Variants in GNA12 observed in about 807,000 individuals in gnomAD.
GNA12 encodes G protein subunit alpha 12.
In GNA12, 9 loss-of-function variants were observed where a neutral mutation model predicts 26.0. That is an observed-to-expected ratio of 0.35 (90% CI 0.21 to 0.60). The LOEUF is 0.60. Ranked by LOEUF, GNA12 falls within the 20% of genes least tolerant of loss-of-function variation. GNA12 has a pLI of 0.78. For missense variants in GNA12, 405 were observed against 525.8 expected (o/e 0.77, Z 2.25); for synonymous variants, 264 against 219.6 (o/e 1.20, Z -1.79).
chr7:2,778,088 G>A (rs906229273), intron 2 of GNA12, among the ~76,000 whole-genome samples: 15 of 152,144 alleles, frequency 9.9e-5, no homozygotes, highest in South Asian at 2.1e-4. Context: ...CCGCCTTAGC[G>A]GCATAGTCTT....
At chr7:2,762,713 G>C (rs1171137977) in intron 2 of GNA12, 9 of 1,564,550 alleles carry the variant, frequency 5.8e-6, no homozygotes, top group Non-Finnish European at 7.8e-6. Flanking sequence ...GAGCGCCAGA[G>C]GGAAGCAGGC....
At chr7:2,826,538 A>G (rs1463480899) in intron 1 of GNA12, among the ~76,000 whole-genome samples, 2 of 152,248 alleles carry the variant, frequency 1.3e-5, no homozygotes, top group African/African-American at 4.8e-5. Flanking sequence ...GGAGTCACCA[A>G]AATGTCCTTC....
intron 1 of GNA12, chr7:2,835,877 T>C (rs1254571708): frequency 5.2e-6 from 3 of 576,146 alleles, no homozygotes; most frequent in South Asian, 1.7e-5. Flanking sequence ...ACACAGGAAA[T>C]GTTAGAAGCA....
chr7:2,805,995 T>C (rs1027613272), intron 1 of GNA12, among the ~76,000 whole-genome samples: 6 of 152,248 alleles, frequency 3.9e-5, no homozygotes, highest in Admixed American at 2.6e-4. Flanking sequence ...TTGTTTATAC[T>C]GATTACATGT....
chr7:2,779,129 C>A (rs887742343), intron 2 of GNA12, among the ~76,000 whole-genome samples: 1 of 152,096 alleles, frequency 6.6e-6, no homozygotes, highest in Non-Finnish European at 1.5e-5. Context: ...GAGGCCAAGG[C>A]GGGTGAATCA....
At chr7:2,794,575 C>A (rs1051538999) in intron 2 of GNA12, 1 of 254,604 alleles carries the variant, frequency 3.9e-6, no homozygotes, top group Non-Finnish European at 7.6e-6. Flanking sequence ...CCCATACCCA[C>A]AGGTCCAAAG....
intron 2 of GNA12, among the ~76,000 whole-genome samples, chr7:2,773,762 C>T (rs781059224): frequency 2.6e-5 from 4 of 152,134 alleles, no homozygotes; most frequent in Non-Finnish European, 5.9e-5. Context: ...CAAGTCCACC[C>T]CTGGACAGCC....
chr7:2,839,623 A>G (rs1273292603), intron 1 of GNA12, among the ~76,000 whole-genome samples: 3 of 152,188 alleles, frequency 2.0e-5, no homozygotes, highest in East Asian at 1.9e-4. Context: ...GGTTCAAGCA[A>G]TCTGCCTGTC....
intron 2 of GNA12, among the ~76,000 whole-genome samples, chr7:2,738,144 C>G (rs901656492): frequency 6.6e-6 from 1 of 152,084 alleles, no homozygotes; most frequent in Non-Finnish European, 1.5e-5. Flanking sequence ...GTAAGAGGAC[C>G]AGGCGTGGTG....
At chr7:2,754,939 G>A (rs763629740) in intron 2 of GNA12, among the ~76,000 whole-genome samples, 27 of 152,216 alleles carry the variant, frequency 1.8e-4, no homozygotes, top group Admixed American at 4.6e-4. Flanking sequence ...ACTGAAATCT[G>A]TAACTCAGTT....
At chr7:2,808,446 G>A (rs1214612837) in intron 1 of GNA12, among the ~76,000 whole-genome samples, 1 of 152,248 alleles carries the variant, frequency 6.6e-6, no homozygotes, top group Non-Finnish European at 1.5e-5. Flanking sequence ...GCCACTGGCT[G>A]TAGTAGGAGA....
chr7:2,797,110 C>T (rs1792695348), intron 1 of GNA12, among the ~76,000 whole-genome samples: 1 of 152,214 alleles, frequency 6.6e-6, no homozygotes, highest in Non-Finnish European at 1.5e-5. Flanking sequence ...TCCTCCAGGA[C>T]AGAGAAAACC....
intron 2 of GNA12, chr7:2,760,333 A>T (rs1562412245): frequency 6.6e-6 from 1 of 152,356 alleles, no homozygotes; most frequent in Non-Finnish European, 1.5e-5. Context: ...ACTCAATAGA[A>T]TGCCTTACCA....
chr7:2,830,310 G>C (rs1321642163), intron 1 of GNA12, among the ~76,000 whole-genome samples: 1 of 152,214 alleles, frequency 6.6e-6, no homozygotes, highest in African/African-American at 2.4e-5. Context: ...TCTGCTCCCA[G>C]TCTAGAATCC....
intron 1 of GNA12, among the ~76,000 whole-genome samples, chr7:2,836,790 G>T (rs570290642): frequency 6.6e-6 from 1 of 152,278 alleles, no homozygotes; most frequent in Admixed American, 6.5e-5. Context: ...TGGGCATGGT[G>T]GTGCGTGCCT....
chr7:2,741,074 A>G (rs541369113), intron 2 of GNA12, among the ~76,000 whole-genome samples: 2 of 151,986 alleles, frequency 1.3e-5, no homozygotes, highest in African/African-American at 4.8e-5. Context: ...ACAAACAAAT[A>G]ATCAAACAAA....
At chr7:2,798,065 C>T (rs1449886397) in intron 1 of GNA12, among the ~76,000 whole-genome samples, 1 of 152,200 alleles carries the variant, frequency 6.6e-6, no homozygotes, top group Non-Finnish European at 1.5e-5. Flanking sequence ...TGAATGCTTT[C>T]CCTCCAACAC....
At chr7:2,817,983 C>T (rs772892536) in intron 1 of GNA12, among the ~76,000 whole-genome samples, 10 of 151,894 alleles carry the variant, frequency 6.6e-5, no homozygotes, top group Admixed American at 2.6e-4. Context: ...GGAAACTAAA[C>T]AAAAAAAGAA....
chr7:2,748,781 CAGAATCTACA>C (rs1293220544), intron 2 of GNA12, among the ~76,000 whole-genome samples: 1 of 151,982 alleles, frequency 6.6e-6, no homozygotes, highest in Admixed American at 6.6e-5. Context: ...GGCTAATATC[CAGAATCTACA>C]ATGAACTCAA....
Sources: allele counts gnomAD v4.1 joint callset (sites outside exome capture counted in the v4.1 genomes callset), GRCh38; gene constraint gnomAD v4.1.1; transcripts MANE v1.5; gene names NCBI Gene and HGNC (gene_info 2026-07-23, HGNC 2026-07-21).